PLAC1: variants seen among roughly 807,000 people sequenced by gnomAD.
PLAC1 encodes placenta associated 1.
For synonymous variants in PLAC1, 68 were observed against 62.1 expected (o/e 1.09, Z -0.44); for missense variants, 136 against 163.2 (o/e 0.83, Z 0.91).
chrX:134,719,784 C>T (rs2078652625), intron 2 of PLAC1, among the ~76,000 whole-genome samples: 1 of 110,941 alleles, frequency 9.0e-6, no homozygotes, highest in Non-Finnish European at 1.9e-5. Context: ...AGCAAGACTC[C>T]GTTTCAATGA....
At chrX:134,594,529 T>G (rs1447743538) in intron 2 of PLAC1, among the ~76,000 whole-genome samples, 1 of 111,635 alleles carries the variant, frequency 9.0e-6, no homozygotes, top group African/African-American at 3.2e-5. Flanking sequence ...GAGATCTCTG[T>G]TTGGGGAGTT....
intron 2 of PLAC1, among the ~76,000 whole-genome samples, chrX:134,701,610 A>G (rs186945075): frequency 8.9e-6 from 1 of 112,583 alleles, no homozygotes; most frequent in Admixed American, 9.4e-5. Flanking sequence ...AAATAACGCC[A>G]TTAAAAAGTG....
chrX:134,602,038 A>C lies in PLAC1; in HGVS notation c.-59+13T>G, dbSNP rs2078091439. On this transcript the variant is annotated intron_variant, in intron 2 of 2. Transcript: ENST00000359237. ...ATCAGAGAAGGGGGACACTGAACAC[A>C]CAGAAAACTAACCTTCTTCTGGCAG... The C allele has an allele frequency of 8.9e-6, 1 of 112,800 alleles. No homozygotes were observed. 9.3% of individuals were successfully genotyped at this position (112,800 alleles called of 1,213,427 possible).
chrX:134,585,175 CAAAAAAAAA>C (rs56343935), intron 2 of PLAC1, among the ~76,000 whole-genome samples: 15 of 33,485 alleles, frequency 4.5e-4, no homozygotes, highest in African/African-American at 2.2e-3. Context: ...ACTAAAAGTA[CAAAAAAAAA>C]AAAAAAAAAA....
intron 2 of PLAC1, among the ~76,000 whole-genome samples, chrX:134,578,345 A>G (rs1320716048): frequency 9.8e-6 from 1 of 102,352 alleles, no homozygotes. Context: ...CCCGGGAGGC[A>G]GAACTTGCAG....
intron 1 of PLAC1, among the ~76,000 whole-genome samples, chrX:134,624,074 A>G (rs190864285): frequency 1.4e-4 from 16 of 111,708 alleles, no homozygotes; most frequent in Non-Finnish European, 2.6e-4. Flanking sequence ...GTGGTATTAG[A>G]TACATGCAGA....
chrX:134,608,486 G>A (rs1242096620), intron 1 of PLAC1, among the ~76,000 whole-genome samples: 1 of 111,369 alleles, frequency 9.0e-6, no homozygotes, highest in Non-Finnish European at 1.9e-5. Flanking sequence ...CACATCCACA[G>A]ATACAGAAAA....
chrX:134,648,410 G>A (rs1470441424), intron 1 of PLAC1, among the ~76,000 whole-genome samples: 1 of 112,442 alleles, frequency 8.9e-6, no homozygotes, highest in Non-Finnish European at 1.9e-5. Flanking sequence ...AAAACGTGGA[G>A]GCTGGGTGCT....
At chrX:134,626,128 T>A (rs2078236244) in intron 1 of PLAC1, among the ~76,000 whole-genome samples, 1 of 111,898 alleles carries the variant, frequency 8.9e-6, no homozygotes, top group Admixed American at 9.5e-5. Context: ...CACGTTCCCT[T>A]CAGCCTGAAA....
intron 2 of PLAC1, among the ~76,000 whole-genome samples, chrX:134,724,061 T>G (rs2078666649): frequency 9.1e-6 from 1 of 110,210 alleles, no homozygotes; most frequent in Non-Finnish European, 1.9e-5. Context: ...TTAGAAAGTG[T>G]CAAAGCCACA....
chrX:134,603,049 G>A (rs749465269), intron 1 of PLAC1, among the ~76,000 whole-genome samples: 1 of 105,619 alleles, frequency 9.5e-6, no homozygotes, highest in East Asian at 3.0e-4. Context: ...GTAATGTTAA[G>A]TGAGCTAAAT....
At chrX:134,633,200 T>TA (rs1249464019) in intron 1 of PLAC1, among the ~76,000 whole-genome samples, 3 of 111,770 alleles carry the variant, frequency 2.7e-5, no homozygotes, top group African/African-American at 9.8e-5. Flanking sequence ...GATGGCCTAC[T>TA]AAGCACATTT....
rs977930090 is a variant in PLAC1 at position 134,696,833 on chromosome X, C to A, written n.174+36602G>T. 3.7e-5 allele frequency among the ~76,000 whole-genome samples: 4 copies of A among 109,575 alleles called. No individual in the cohort carries two copies. In the Admixed American group the frequency reaches 3.9e-4, roughly 11 times the overall value. On this transcript the variant is annotated intron_variant and non_coding_transcript_variant, in intron 2 of 2. Coordinates refer to the PLAC1 transcript ENST00000466797. ...CACGAGGTCAGGAGATCGAGACCAT[C>A]CTGGCTAACTCTGTGAAAACCCATC...
intron 1 of PLAC1, among the ~76,000 whole-genome samples, chrX:134,614,712 G>T (rs2078171329): frequency 9.0e-6 from 1 of 111,626 alleles, no homozygotes; most frequent in Non-Finnish European, 1.9e-5. Flanking sequence ...ATAGCTCATT[G>T]TAGCTTCAAA....
intron 1 of PLAC1, among the ~76,000 whole-genome samples, chrX:134,743,118 A>T (rs913081446): frequency 3.6e-5 from 4 of 112,007 alleles, no homozygotes; most frequent in African/African-American, 1.3e-4. Context: ...CAGGACAAAG[A>T]GAAAGAAAAG....
At chrX:134,589,955 G>A (rs1243324159) in intron 2 of PLAC1, among the ~76,000 whole-genome samples, 6 of 110,852 alleles carry the variant, frequency 5.4e-5, no homozygotes, top group African/African-American at 2.0e-4. Flanking sequence ...CAGCACTTTG[G>A]GAGGCCAAGG....
intron 2 of PLAC1, among the ~76,000 whole-genome samples, chrX:134,581,960 C>T (rs192238371): frequency 8.9e-6 from 1 of 111,774 alleles, no homozygotes; most frequent in Admixed American, 9.5e-5. Flanking sequence ...TCGCCTAAAC[C>T]CAGGGATTAG....
intron 2 of PLAC1, among the ~76,000 whole-genome samples, chrX:134,582,071 G>A (rs2077977847): frequency 8.9e-6 from 1 of 112,307 alleles, no homozygotes; most frequent in Non-Finnish European, 1.9e-5. Flanking sequence ...AATAGAATAA[G>A]TTCTCAGAGG....
At chrX:134,754,341 G>A (rs1457762089) in intron 1 of PLAC1, among the ~76,000 whole-genome samples, 2 of 111,950 alleles carry the variant, frequency 1.8e-5, no homozygotes, top group Admixed American at 9.5e-5. Context: ...CACAAGATAG[G>A]GAGTAGATTC....
Sources: gnomAD v4.1 joint callset for allele counts (sites outside exome capture counted in the v4.1 genomes callset) on GRCh38, gnomAD v4.1.1 for gene constraint, MANE v1.5 for transcripts, NCBI Gene and HGNC (gene_info 2026-07-23, HGNC 2026-07-21) for gene names.